Variants in TENM1 observed in about 807,000 individuals in gnomAD.
The protein encoded by TENM1 is teneurin transmembrane protein 1.
In TENM1, 35 loss-of-function variants were observed where a neutral mutation model predicts 174.8. The ratio of observed to expected loss-of-function variants is 0.20; its 90% CI spans 0.15 to 0.27. The LOEUF is 0.27. Among genes scored for constraint, TENM1 ranks in the 10% least tolerant of loss-of-function variants. The pLI, the probability that TENM1 is intolerant of heterozygous loss-of-function variation, is 1.00. For synonymous variants in TENM1, 781 were observed against 798.7 expected (o/e 0.98, Z 0.37); for missense variants, 1,633 against 2,130.1 (o/e 0.77, Z 4.59).
rs5958546 is a variant in TENM1, at chrX:124,645,075, C to T, written c.1876+68G>A. ...GCCACTTGCATCTCTACTAGGAGAA[C>T]AGAATGACACCTTGGACAACTGAGT... On this transcript the variant is annotated intron_variant, in intron 10 of 31. Coordinates refer to ENST00000422452, the Ensembl canonical transcript of TENM1. 0.035 allele frequency: 37,817 copies of T among 1,080,524 alleles called. 3,101 individuals are homozygous for T. In the African/African-American group the frequency reaches 0.37, roughly 11 times the overall value. The allele number at this position is 1,080,524 out of a possible 1,213,427, so 89.0% of individuals were successfully genotyped here.
chrX:124,686,585 T>C (rs1193823506), intron 5 of TENM1, among the ~76,000 whole-genome samples: 1 of 111,882 alleles, frequency 8.9e-6, no homozygotes, highest in African/African-American at 3.2e-5. Context: ...ATCAAGTCAG[T>C]TTCATCCCTG....
chrX:125,197,452 C>G, the TENM1 span, among the ~76,000 whole-genome samples: 1 of 111,641 alleles, frequency 9.0e-6, no homozygotes, highest in Non-Finnish European at 1.9e-5. Flanking sequence ...TGGAACCATC[C>G]AGATGAATGA....
At chrX:124,654,942 T>C (rs6649273) in intron 6 of TENM1, among the ~76,000 whole-genome samples, 2,984 of 111,561 alleles carry the variant, frequency 0.027, 104 homozygotes, top group African/African-American at 0.092. Flanking sequence ...AATAATTTCA[T>C]GTGAATGGAA....
At chrX:124,964,907 G>T (rs2058705829), upstream of TENM1, among the ~76,000 whole-genome samples, 1 of 111,932 alleles carries the variant, frequency 8.9e-6, no homozygotes, top group Admixed American at 9.5e-5. Flanking sequence ...TATTTTCAAA[G>T]AAATCTATAG....
intron 27 of TENM1, among the ~76,000 whole-genome samples, chrX:124,395,489 G>C (rs775686867): frequency 1.8e-5 from 2 of 110,977 alleles, no homozygotes; most frequent in Non-Finnish European, 3.8e-5. Context: ...CTAGTGGTTA[G>C]ATGCTTAAAT....
intron 3 of TENM1, among the ~76,000 whole-genome samples, chrX:124,890,799 T>G (rs2057461549): frequency 9.0e-6 from 1 of 110,892 alleles, no homozygotes; most frequent in Admixed American, 9.6e-5. Context: ...AAAATAGAAC[T>G]ACCATATGCT....
At chrX:124,381,236 T>C in exon 32 of TENM1, 4 of 1,203,655 alleles carry the variant, frequency 3.3e-6, no homozygotes, top group Non-Finnish European at 4.5e-6. Flanking sequence ...AGGTAGTTGG[T>C]CCAAGGAAAT....
chrX:124,579,102 T>C (rs1041825160), intron 11 of TENM1, among the ~76,000 whole-genome samples: 3 of 111,969 alleles, frequency 2.7e-5, no homozygotes, highest in Admixed American at 9.5e-5. Context: ...CCTTGAGTCC[T>C]ACAAATGTTG....
chrX:124,707,750 C>T (rs939971886), intron 4 of TENM1, among the ~76,000 whole-genome samples: 1 of 112,207 alleles, frequency 8.9e-6, no homozygotes, highest in Non-Finnish European at 1.9e-5. Flanking sequence ...GCTCCAAACC[C>T]CCTTGTGGGT....
At chrX:124,721,215 G>A (rs1204060635) in intron 4 of TENM1, among the ~76,000 whole-genome samples, 2 of 111,193 alleles carry the variant, frequency 1.8e-5, no homozygotes, top group African/African-American at 6.6e-5. Context: ...AACTCACACG[G>A]GGCCATTAAA....
intron 1 of TENM1, among the ~76,000 whole-genome samples, chrX:124,903,027 G>A (rs192054909): frequency 9.0e-6 from 1 of 111,312 alleles, no homozygotes; most frequent in East Asian, 2.8e-4. Flanking sequence ...TTTTTCTGGG[G>A]CACAGGAGTG....
the TENM1 span, among the ~76,000 whole-genome samples, chrX:125,181,431 G>A: frequency 2.7e-5 from 3 of 111,229 alleles, no homozygotes; most frequent in Non-Finnish European, 3.8e-5. Flanking sequence ...GCAAACAAAC[G>A]TATCTGAGGA....
intron 1 of TENM1, among the ~76,000 whole-genome samples, chrX:124,933,963 G>A (rs991994735): frequency 9.0e-6 from 1 of 111,368 alleles, no homozygotes; most frequent in African/African-American, 3.3e-5. Context: ...TTACAAAGAA[G>A]AATACTTTGT....
chrX:124,674,145 T>C (rs1474947558), intron 5 of TENM1, among the ~76,000 whole-genome samples: 1 of 108,953 alleles, frequency 9.2e-6, no homozygotes, highest in Admixed American at 9.9e-5. Context: ...TGAAAAGTCA[T>C]ATATGCACAG....
intron 3 of TENM1, among the ~76,000 whole-genome samples, chrX:124,862,952 G>A (rs1292279977): frequency 9.3e-6 from 1 of 107,875 alleles, no homozygotes; most frequent in Non-Finnish European, 1.9e-5. Context: ...GGCAGGATAG[G>A]GCTCTGGTCA....
chrX:124,493,710 G>A (rs938436240), intron 20 of TENM1, among the ~76,000 whole-genome samples: 6 of 111,367 alleles, frequency 5.4e-5, no homozygotes, highest in Non-Finnish European at 1.1e-4. Flanking sequence ...TGGCCTTCCT[G>A]TTGACTTTCC....
intron 3 of TENM1, among the ~76,000 whole-genome samples, chrX:124,815,208 T>A (rs759783488): frequency 2.3e-4 from 26 of 111,866 alleles, no homozygotes; most frequent in African/African-American, 7.8e-4. Flanking sequence ...GAAATGCTTA[T>A]TTATATACTT....
chrX:124,448,855 C>T (rs1446653721), intron 23 of TENM1, among the ~76,000 whole-genome samples: 3 of 111,717 alleles, frequency 2.7e-5, no homozygotes, highest in African/African-American at 9.7e-5. Flanking sequence ...AAGGAAGGTT[C>T]CCATGGAAGA....
the TENM1 span, among the ~76,000 whole-genome samples, chrX:125,135,286 A>T: frequency 8.9e-6 from 1 of 112,143 alleles, no homozygotes; most frequent in African/African-American, 3.2e-5. Context: ...TTGTGATTTT[A>T]GCTCCCTGGG....
Sources: allele counts gnomAD v4.1 joint callset (sites outside exome capture counted in the v4.1 genomes callset), GRCh38; gene constraint gnomAD v4.1.1; transcripts MANE v1.5; gene names NCBI Gene and HGNC (gene_info 2026-07-23, HGNC 2026-07-21).